RYK: variants seen among roughly 807,000 people sequenced by gnomAD.
RYK encodes the protein inactive tyrosine-protein kinase RYK.
In RYK, 21 loss-of-function variants were observed where a neutral mutation model predicts 70.2. That is an observed-to-expected ratio of 0.30 (90% confidence interval 0.21 to 0.43). The LOEUF (loss-of-function observed/expected upper bound fraction) is 0.43. Ranked by LOEUF, RYK falls within the 20% of genes least tolerant of loss-of-function variation. The probability of loss-of-function intolerance (pLI) is 1.00; values close to 1 mark genes in which losing one functional copy is unlikely to be tolerated. For synonymous variants in RYK, 267 were observed against 278.0 expected (o/e 0.96, Z 0.39); for missense variants, 604 against 753.3 (o/e 0.80, Z 2.32).
intron 9 of RYK, among the ~76,000 whole-genome samples, chr3:134,184,962 A>C (rs2013414788): frequency 3.8e-5 from 2 of 52,138 alleles, no homozygotes; most frequent in South Asian, 1.4e-3. Context: ...CCATCTCTAC[A>C]AAAAAAAAAA....
In RYK at chr3:134,250,324, C is replaced by T. The variant is rs2015580249; in HGVS notation, c.232+99G>A. On this transcript the variant is annotated intron_variant, in intron 1 of 14. Transcript: ENST00000623711. ...CCGGGCGCGGGGGGCGGGGAGGGTACTCGCCCGAGGTCCACGGCTCGCAGA... is the reference window on the plus strand; with the variant it reads ...CCGGGCGCGGGGGGCGGGGAGGGTATTCGCCCGAGGTCCACGGCTCGCAGA... 11 of 605,762 alleles carry T rather than the reference C, an allele frequency of 1.8e-5. No homozygotes were observed. The South Asian group carries it at 2.9e-4, about 16-fold the overall frequency. 37.5% of individuals were successfully genotyped at this position (605,762 alleles called of 1,614,324 possible). A position where few individuals can be genotyped will look rare whatever the true frequency, so the allele number is the denominator to read the frequency against.
chr3:134,163,294 A>C (rs2012541772), intron 13 of RYK, among the ~76,000 whole-genome samples: 1 of 152,216 alleles, frequency 6.6e-6, no homozygotes, highest in Non-Finnish European at 1.5e-5. Context: ...TTTGTGGAAA[A>C]CTTGCTCTCT....
chr3:134,249,919 T>TTTTTTTTTTTTTTTTTTTTTTTTTTG (rs2015565584), intron 1 of RYK, among the ~76,000 whole-genome samples: 1 of 99,606 alleles, frequency 1.0e-5, no homozygotes, highest in African/African-American at 4.3e-5. Flanking sequence ...TCTCTCTCGT[T>TTTTTTTTTTTTTTTTTTTTTTTTTTG]TTTTTTTTTT....
chr3:134,236,977 A>G (rs1028704356), intron 1 of RYK, among the ~76,000 whole-genome samples: 1 of 152,232 alleles, frequency 6.6e-6, no homozygotes, highest in Non-Finnish European at 1.5e-5. Context: ...TGCCAATTCC[A>G]GCAAAGGAAA....
intron 2 of RYK, among the ~76,000 whole-genome samples, chr3:134,220,843 T>C (rs986148728): frequency 6.6e-6 from 1 of 152,170 alleles, no homozygotes; most frequent in African/African-American, 2.4e-5. Flanking sequence ...TTACCTGGAT[T>C]TTGCCTATAA....
Position 134,212,051 on chromosome 3 carries a change from AC to A in RYK, c.355-445del, listed in dbSNP as rs1267335905. ...TGGTGGAGGAAGGTCTGCTCTGCAGACCCACTCACACAATAAGCAGATTCCA... is the reference window on the plus strand; with the variant it reads ...TGGTGGAGGAAGGTCTGCTCTGCAGACCACTCACACAATAAGCAGATTCCA... On this transcript the variant is annotated intron_variant, in intron 2 of 14. Coordinates refer to ENST00000623711, the MANE Select transcript of RYK (RefSeq NM_002958.4). Among the ~76,000 whole-genome samples, 3 of 152,320 alleles carry A rather than the reference AC, an allele frequency of 2.0e-5. No individual in the cohort carries two copies. In the East Asian group the frequency reaches 5.8e-4, roughly 29 times the overall value.
In RYK at chr3:134,158,250, G is replaced by A; in HGVS notation, c.1727C>T (p.Ala576Val). ...NCPDELFAVM[A>V]CCWALDPEER... ...CTCTGGATCTAAGGCCCAGCAACAG[G>A]CCATCACAGCAAATCTGCAGAGTGA... Residue 576 changes from alanine to valine, a missense_variant, in exon 15 of 15, where the codon GCC becomes GTC. By Grantham distance (64) the Ala-to-Val change is moderately conservative (BLOSUM62 0). Coordinates refer to ENST00000623711, the MANE Select transcript of RYK (RefSeq NM_002958.4). The A allele has an allele frequency of 6.4e-7, 1 of 1,561,818 alleles. No homozygotes were observed. Among genetic ancestry groups the A allele is most frequent in the Non-Finnish European group, 8.7e-7 (1 of 1,151,698 alleles).
intron 8 of RYK, among the ~76,000 whole-genome samples, chr3:134,190,553 C>T (rs1031802288): frequency 5.3e-5 from 8 of 150,880 alleles, no homozygotes; most frequent in African/African-American, 7.3e-5. Context: ...CACAAACTAA[C>T]GTAAAAAAAA....
At position 134,250,502 on chromosome 3, in the gene RYK, C is replaced by A. The variant is rs1333675599; in HGVS notation, c.153G>T (p.Arg51=). Residue 51 remains arginine (R), a synonymous_variant, in exon 1 of 15, where the codon CGG becomes CGT. Coordinates refer to ENST00000623711, the MANE Select transcript of RYK (RefSeq NM_002958.4). ...CGGAAGCCGACTGCAGCTCCGGGGG[C>A]CGCGGGGCGGGGGCGGCGGCAGCGC... ...APGAAAAPAP[R]PPELQSASAG... The A allele has an allele frequency of 7.8e-7, 1 of 1,276,464 alleles. No homozygotes were observed. Among genetic ancestry groups the A allele is most frequent in the Non-Finnish European group, 9.9e-7 (1 of 1,010,984 alleles). 79.1% of individuals were successfully genotyped at this position (1,276,464 alleles called of 1,614,324 possible). A position where few individuals can be genotyped will look rare whatever the true frequency, so the allele number is the denominator to read the frequency against.
intron 9 of RYK, among the ~76,000 whole-genome samples, chr3:134,187,721 C>CTTTTT (rs77809666): frequency 2.5e-4 from 34 of 136,916 alleles, no homozygotes; most frequent in African/African-American, 8.5e-4. Flanking sequence ...CACCCAGCTA[C>CTTTTT]TTTTTTTTTT....
At chr3:134,183,763 T>C (rs2013376822) in intron 9 of RYK, among the ~76,000 whole-genome samples, 1 of 152,140 alleles carries the variant, frequency 6.6e-6, no homozygotes, top group African/African-American at 2.4e-5. Flanking sequence ...CACTGTTCAA[T>C]GGCAAAAAAA....
At chr3:134,175,247 G>A (rs763417022) in intron 13 of RYK, among the ~76,000 whole-genome samples, 1 of 152,140 alleles carries the variant, frequency 6.6e-6, no homozygotes, top group Non-Finnish European at 1.5e-5. Context: ...GGAGGCTGAG[G>A]CCTGAGAATC....
intron 6 of RYK, among the ~76,000 whole-genome samples, chr3:134,195,674 C>T (rs1243877743): frequency 6.6e-6 from 1 of 152,152 alleles, no homozygotes; most frequent in East Asian, 1.9e-4. Flanking sequence ...TGGCCAGGTG[C>T]GGTGGCTCAC....
intron 9 of RYK, 122 bp downstream of exon 9, chr3:134,188,715 A>G (rs2108162817): frequency 3.2e-6 from 2 of 623,310 alleles, no homozygotes; most frequent in South Asian, 2.1e-5. Flanking sequence ...GTTTTCAGCT[A>G]AATTAACACT....
chr3:134,178,150 TAAAAC>T, intron 10 of RYK, 77 bp from the exon 11 acceptor site: 1 of 1,058,150 alleles, frequency 9.5e-7, no homozygotes, highest in Non-Finnish European at 1.4e-6. Flanking sequence ...AAAAATAATC[TAAAAC>T]AAAACAAAAT....
intron 1 of RYK, among the ~76,000 whole-genome samples, chr3:134,225,961 G>A (rs917215214): frequency 2.6e-5 from 4 of 151,670 alleles, no homozygotes; most frequent in African/African-American, 9.7e-5. Flanking sequence ...AGTGAGGGGG[G>A]ATTAATCATG....
At chr3:134,221,692 T>A (rs908277117) in intron 2 of RYK, among the ~76,000 whole-genome samples, 10 of 152,190 alleles carry the variant, frequency 6.6e-5, no homozygotes, top group African/African-American at 2.4e-4. Flanking sequence ...CAATAGGTAT[T>A]CTTATTTATA....
Position 134,161,152 on chromosome 3 carries a change from A to G in RYK, c.1576-1779T>C, listed in dbSNP as rs2012458641. On this transcript the variant is annotated intron_variant, in intron 13 of 14. Coordinates refer to ENST00000623711, the MANE Select transcript of RYK (RefSeq NM_002958.4). ...CTATTTAAAGCAAAAACAGCTAACA[A>G]TATATCGTGGGGTTTATAATATACA... Among the ~76,000 whole-genome samples the G allele has an allele frequency of 2.0e-5, 3 of 152,338 alleles. No homozygotes were observed. In the South Asian group the frequency reaches 6.2e-4, roughly 32 times the overall value.
At chr3:134,236,820 G>A (rs1261430050) in intron 1 of RYK, among the ~76,000 whole-genome samples, 4 of 152,120 alleles carry the variant, frequency 2.6e-5, no homozygotes, top group African/African-American at 7.2e-5. Flanking sequence ...AGGGGGCTGT[G>A]CTGGAAAGCA....
Sources: gnomAD v4.1 joint callset for allele counts (sites outside exome capture counted in the v4.1 genomes callset) on GRCh38, gnomAD v4.1.1 for gene constraint, MANE v1.5 for transcripts, NCBI Gene and HGNC (gene_info 2026-07-23, HGNC 2026-07-21) for gene names.